The following HELZ2 variants were observed in gnomAD, a reference collection of about 807,000 sequenced individuals.
HELZ2 encodes helicase with zinc finger 2, also known as 3'-5' exoribonuclease HELZ2.
A neutral mutation model predicts 208.8 loss-of-function variants in HELZ2; 143 were observed. The observed-to-expected ratio is 0.68, with a 90% CI of 0.60 to 0.79. The LOEUF is 0.79. HELZ2 is among the 30% of genes least tolerant of loss of function. The pLI is 0.00. For synonymous variants in HELZ2, 1,705 were observed against 1,693.7 expected, an observed-to-expected ratio of 1.01 and a Z score of -0.16; for missense variants, 3,690 against 3,794.5, an observed-to-expected ratio of 0.97 and a Z score of 0.72.
Position 63,564,428 on chromosome 20 carries a change from AT to A in HELZ2, c.4393del (p.Ile1465SerfsTer61), listed in dbSNP as rs1763486450. 1 of 1,551,722 alleles carries A rather than the reference AT, an allele frequency of 6.4e-7. No individual in the cohort carries two copies. The highest frequency in any genetic ancestry group is 1.2e-5 in the South Asian group (1 of 84,956). On this transcript the variant is annotated frameshift_variant, in exon 8 of 19. Transcript: ENST00000467148. LOFTEE classifies it high-confidence loss of function. ...ACGGCCGGCACCCGGGTGCTGCCTGATCACCTCCTCCGCCTCCTCGTAGGAC... is the reference window on the plus strand; with the variant it reads ...ACGGCCGGCACCCGGGTGCTGCCTGACACCTCCTCCGCCTCCTCGTAGGAC...
downstream of HELZ2, chr20:63,558,311 C>G (rs1406267981): frequency 6.6e-6 from 1 of 151,408 alleles, no homozygotes; most frequent in Non-Finnish European, 1.5e-5. Flanking sequence ...CGGCACCCCC[C>G]AACCCCCGAG....
chr20:63,567,303 C>T (rs779359295), exon 6 of HELZ2: 31 of 1,609,844 alleles, frequency 1.9e-5, no homozygotes, highest in Non-Finnish European at 2.5e-5. Context: ...GGGTGCCGTG[C>T]GAGGCATAGG....
At chr20:63,566,324 C>A in intron 7 of HELZ2, 54 bp downstream of exon 8, 2 of 1,527,154 alleles carry the variant, frequency 1.3e-6, no homozygotes, top group Non-Finnish European at 1.8e-6. Flanking sequence ...GTGGGCCGAG[C>A]CACCCGGGGT....
exon 8 of HELZ2, chr20:63,564,172 C>A: frequency 1.9e-6 from 3 of 1,611,596 alleles, no homozygotes; most frequent in Non-Finnish European, 2.5e-6. Flanking sequence ...ACCGCAGAGG[C>A]GTGACCGTCC....
At chr20:63,572,074 C>G in intron 1 of HELZ2, 34 bp downstream of exon 2, 1 of 1,571,522 alleles carries the variant, frequency 6.4e-7, no homozygotes, top group Non-Finnish European at 8.6e-7. Flanking sequence ...TGGGCTCCTG[C>G]CCTACTCCAA....
At chr20:63,570,009 C>A (rs1305561589) in intron 3 of HELZ2, 5 of 456,264 alleles carry the variant, frequency 1.1e-5, no homozygotes, top group African/African-American at 6.0e-5. Flanking sequence ...AGTGCAATGG[C>A]GCGATCTCAA....
At chr20:63,566,899 C>T (rs1210990736) in exon 6 of HELZ2, 11 of 1,608,610 alleles carry the variant, frequency 6.8e-6, no homozygotes, top group Non-Finnish European at 9.3e-6. Flanking sequence ...GCCCCAGCAG[C>T]TGGGCCAGGT....
At chr20:63,565,312 A>G (rs1378002010) in exon 8 of HELZ2, 3 of 1,606,362 alleles carry the variant, frequency 1.9e-6, no homozygotes, top group Non-Finnish European at 1.7e-6. Flanking sequence ...CCAGCACCTC[A>G]TCCCCGGCGA....
chr20:63,564,779 T>C, exon 8 of HELZ2: 1 of 1,611,846 alleles, frequency 6.2e-7, no homozygotes, highest in Non-Finnish European at 8.5e-7. Context: ...GCAGGCGCCC[T>C]GGGGGTCCAC....
chr20:63,562,934 G>A, exon 8 of HELZ2: 1 of 1,592,734 alleles, frequency 6.3e-7, no homozygotes, highest in Non-Finnish European at 8.5e-7. Flanking sequence ...AAGTGTGACG[G>A]AGTCATTCTC....
chr20:63,560,991 C>A, intron 14 of HELZ2, 62 bp from the exon 16 acceptor site: 1 of 1,596,298 alleles, frequency 6.3e-7, no homozygotes, highest in East Asian at 2.2e-5. Flanking sequence ...CAGCCCCACA[C>A]GACACCCGCG....
Position 63,561,472 on chromosome 20 carries a change from G to T in HELZ2, c.6837-6C>A. 6.2e-7 allele frequency: 1 copy of T among 1,603,256 alleles called. No individual in the cohort carries two copies. Among genetic ancestry groups the T allele is most frequent in the Non-Finnish European group, 8.5e-7 (1 of 1,175,362 alleles). On this transcript the variant is annotated splice_polypyrimidine_tract_variant and splice_region_variant and intron_variant, in intron 12 of 18. Coordinates refer to ENST00000467148, the Ensembl canonical transcript of HELZ2. The stretch of plus-strand genomic sequence containing the variant: ...GGTGGTGCAGGGTGATGCTCCTGGG[G>T]GACAGGACACAGTGAGCCCTGTCCA...
chr20:63,566,877 C>G, exon 6 of HELZ2: 1 of 1,605,644 alleles, frequency 6.2e-7, no homozygotes, highest in Non-Finnish European at 8.5e-7. Flanking sequence ...AGATGCACCT[C>G]TGCTCGCGGC....
In HELZ2 at chr20:63,570,063, C is replaced by T. The variant is rs2083002308; in HGVS notation, c.571-398G>A. The T allele has an allele frequency of 1.4e-5, 6 of 416,934 alleles. 1 individual carries two copies. The highest frequency in any genetic ancestry group is 1.3e-4 in the South Asian group (6 of 47,306). 25.8% of individuals were successfully genotyped at this position (416,934 alleles called of 1,614,324 possible). A position where few individuals can be genotyped will look rare whatever the true frequency, so the allele number is the denominator to read the frequency against. ...TCCTGGGTTCAAGTGATTTTCCTGC[C>T]TCAGCCTCCCGAGTAGATGGGATCA... On this transcript the variant is annotated intron_variant, in intron 3 of 18. Transcript: ENST00000467148.
rs200541605 is a variant in HELZ2, at chr20:63,570,496, C to T, written c.570+8G>A. ...CCCTCCGCCCAGTCGGAGCTGTTCT[C>T]CGCTCACCTCAGAGTGGACGGCAAA... On this transcript the variant is annotated splice_region_variant and intron_variant, in intron 3 of 18. Coordinates refer to ENST00000467148, the Ensembl canonical transcript of HELZ2. 6.6e-4 allele frequency: 1,057 copies of T among 1,609,462 alleles called. 1 individual carries two copies. The highest frequency in any genetic ancestry group is 5.6e-3 in the Middle Eastern group (34 of 6,056).
chr20:63,565,314 C>G, exon 8 of HELZ2: 1 of 1,606,382 alleles, frequency 6.2e-7, no homozygotes, highest in Middle Eastern at 1.7e-4. Context: ...AGCACCTCAT[C>G]CCCGGCGAAG....
chr20:63,565,101 T>G (rs2082936801), exon 8 of HELZ2: 1 of 1,565,882 alleles, frequency 6.4e-7, no homozygotes, highest in South Asian at 1.2e-5. Context: ...TTCCGGAGGC[T>G]GTAGATGGGG....
chr20:63,565,861 C>G, exon 8 of HELZ2: 1 of 1,598,086 alleles, frequency 6.3e-7, no homozygotes, highest in Non-Finnish European at 8.5e-7. Context: ...CAGCCGCCTG[C>G]TCCTCGGCCA....
chr20:63,563,906 C>A (rs550225161), exon 8 of HELZ2: 4 of 1,594,770 alleles, frequency 2.5e-6, no homozygotes, highest in African/African-American at 1.3e-5. Context: ...CAGGGCCTTG[C>A]GGAGGTCGCG....
Sources: allele counts gnomAD v4.1 joint callset, GRCh38; gene constraint gnomAD v4.1.1; transcripts MANE v1.5; gene names NCBI Gene and HGNC (gene_info 2026-07-23, HGNC 2026-07-21).